The following PTPRT variants were observed in gnomAD, a reference collection of about 807,000 sequenced individuals.
The protein encoded by PTPRT is protein tyrosine phosphatase receptor type T, also known as receptor-type tyrosine-protein phosphatase T.
PTPRT carries 56 observed loss-of-function variants against 176.8 expected under a neutral mutation model. The observed-to-expected ratio is 0.32, with a 90% CI of 0.26 to 0.40. The LOEUF is 0.40. PTPRT is among the 10% of genes least tolerant of loss of function. The pLI is 1.00. For synonymous variants in PTPRT, 783 were observed against 739.0 expected (o/e 1.06, Z -0.96); for missense variants, 1,540 against 1,908.2 (o/e 0.81, Z 3.60).
chr20:42,350,581 GCA>G (rs768429702), intron 11 of PTPRT, 45 bp downstream of exon 11: 14 of 1,427,928 alleles, frequency 9.8e-6, no homozygotes, highest in Non-Finnish European at 1.4e-5. Context: ...GGCCCATGTG[GCA>G]CAGAGAAGAA....
intron 6 of PTPRT, among the ~76,000 whole-genome samples, chr20:42,699,514 G>A (rs891717195): frequency 2.0e-5 from 3 of 152,094 alleles, no homozygotes; most frequent in South Asian, 2.1e-4. Context: ...ATAGTAATAT[G>A]CACTCTCATT....
intron 1 of PTPRT, among the ~76,000 whole-genome samples, chr20:42,897,885 T>A (rs1457982499): frequency 6.6e-6 from 1 of 152,224 alleles, no homozygotes; most frequent in Non-Finnish European, 1.5e-5. Flanking sequence ...ACCTGGCACG[T>A]AGTCAGTGCC....
chr20:42,545,249 A>G (rs1211519600), intron 7 of PTPRT, among the ~76,000 whole-genome samples: 1 of 152,082 alleles, frequency 6.6e-6, no homozygotes, highest in African/African-American at 2.4e-5. Flanking sequence ...CAAGCCACAC[A>G]CCTTTTCCCA....
intron 13 of PTPRT, among the ~76,000 whole-genome samples, chr20:42,281,852 G>T (rs2057144772): frequency 6.6e-6 from 1 of 152,166 alleles, no homozygotes; most frequent in African/African-American, 2.4e-5. Flanking sequence ...TTAAACGATA[G>T]CAAACCATTC....
intron 1 of PTPRT, among the ~76,000 whole-genome samples, chr20:42,960,903 C>G (rs1981948341): frequency 6.6e-6 from 1 of 152,016 alleles, no homozygotes; most frequent in East Asian, 1.9e-4. Context: ...AAACTATAAC[C>G]AATATGGGGC....
chr20:42,534,179 T>C (rs1172571342), intron 7 of PTPRT, among the ~76,000 whole-genome samples: 1 of 152,198 alleles, frequency 6.6e-6, no homozygotes, highest in African/African-American at 2.4e-5. Context: ...TGTGTTCACT[T>C]GAAATATCCG....
At chr20:42,346,607 G>A (rs984955787) in intron 11 of PTPRT, among the ~76,000 whole-genome samples, 7 of 152,066 alleles carry the variant, frequency 4.6e-5, no homozygotes, top group Admixed American at 2.6e-4. Context: ...ATGAGGGTGC[G>A]GGAGCCCCAC....
At chr20:42,404,579 A>G (rs964363584) in intron 9 of PTPRT, among the ~76,000 whole-genome samples, 1 of 152,104 alleles carries the variant, frequency 6.6e-6, no homozygotes, top group African/African-American at 2.4e-5. Context: ...GTATGACTTT[A>G]GACAAGGCCA....
At chr20:42,523,673 A>T (rs1211934005) in intron 7 of PTPRT, among the ~76,000 whole-genome samples, 1 of 152,204 alleles carries the variant, frequency 6.6e-6, no homozygotes, top group Non-Finnish European at 1.5e-5. Context: ...ACGTAGACAT[A>T]TATTGTAGTT....
At chr20:43,170,268 C>T (rs994885323) in intron 1 of PTPRT, among the ~76,000 whole-genome samples, 1 of 152,074 alleles carries the variant, frequency 6.6e-6, no homozygotes, top group Non-Finnish European at 1.5e-5. Flanking sequence ...ATATATGTTA[C>T]TTCATGTTAT....
chr20:43,130,503 CA>C (rs1279666845), intron 1 of PTPRT, among the ~76,000 whole-genome samples: 3 of 152,074 alleles, frequency 2.0e-5, no homozygotes, highest in Admixed American at 6.5e-5. Flanking sequence ...CACTCACGAA[CA>C]ATGCAATTGC....
Position 42,198,680 on chromosome 20 carries a change from A to G in PTPRT, c.2491+560T>C, listed in dbSNP as rs561695805. On this transcript the variant is annotated intron_variant, in intron 16 of 30. Transcript: ENST00000373187. ...ACAAGGACTCAGGTGCCCTTGACCA[A>G]TGCTACTTGGAACACTGGCTGTGGT... is the stretch of plus-strand genomic sequence containing the variant. 1.0e-3 allele frequency among the ~76,000 whole-genome samples: 159 copies of G among 152,312 alleles called. 2 individuals are homozygous for G. Among genetic ancestry groups the G allele is most frequent in the African/African-American group, 3.4e-3 (141 of 41,570 alleles).
intron 11 of PTPRT, among the ~76,000 whole-genome samples, chr20:42,324,852 C>T (rs1208183147): frequency 2.0e-5 from 3 of 152,244 alleles, no homozygotes; most frequent in Middle Eastern, 6.8e-3. Context: ...CAAAATAGCT[C>T]GCAGAGGAGA....
intron 13 of PTPRT, among the ~76,000 whole-genome samples, chr20:42,274,146 G>A (rs1486255809): frequency 6.6e-6 from 1 of 152,214 alleles, no homozygotes; most frequent in Non-Finnish European, 1.5e-5. Context: ...CTATCCTTGG[G>A]CATAGGAAAG....
intron 2 of PTPRT, among the ~76,000 whole-genome samples, chr20:42,792,488 G>A (rs1218959991): frequency 6.6e-6 from 1 of 152,130 alleles, no homozygotes; most frequent in East Asian, 1.9e-4. Flanking sequence ...CCCCACCAAA[G>A]CAGGTGGCAA....
intron 7 of PTPRT, among the ~76,000 whole-genome samples, chr20:42,617,191 G>C (rs966602043): frequency 6.6e-5 from 9 of 136,632 alleles, no homozygotes; most frequent in Non-Finnish European, 1.1e-4. Context: ...CATCTATTGA[G>C]ATAATCATGT....
At chr20:42,126,541 C>T (rs78691041) in intron 19 of PTPRT, among the ~76,000 whole-genome samples, 1,583 of 152,300 alleles carry the variant, frequency 0.01, 28 homozygotes, top group African/African-American at 0.035. Flanking sequence ...TCTTGCCTGG[C>T]TGGCTCTAAG....
intron 7 of PTPRT, among the ~76,000 whole-genome samples, chr20:42,661,013 G>A (rs2075213850): frequency 6.6e-6 from 1 of 152,078 alleles, no homozygotes; most frequent in South Asian, 2.1e-4. Flanking sequence ...CACCACGCCC[G>A]TCTAATTTTT....
the PTPRT span, among the ~76,000 whole-genome samples, chr20:42,034,417 G>A: frequency 6.6e-6 from 1 of 152,076 alleles, no homozygotes; most frequent in Non-Finnish European, 1.5e-5. Context: ...AGGGAGAAGG[G>A]GAGAGGGAGA....
Sources: allele counts gnomAD v4.1 joint callset (sites outside exome capture counted in the v4.1 genomes callset), GRCh38; gene constraint gnomAD v4.1.1; transcripts MANE v1.5; gene names NCBI Gene and HGNC (gene_info 2026-07-23, HGNC 2026-07-21).